Variants in KLF8 observed in about 807,000 individuals in gnomAD.
The protein encoded by KLF8 is KLF transcription factor 8.
Under a neutral mutation model 18.2 loss-of-function variants are expected in KLF8, and 10 were observed. The ratio of observed to expected loss-of-function variants is 0.55; its 90% confidence interval spans 0.34 to 0.93. The LOEUF (loss-of-function observed/expected upper bound fraction) is 0.93, where lower values mean the gene tolerates loss of function less well. Among genes scored for constraint, KLF8 ranks in the 40% least tolerant of loss-of-function variants. The pLI is 0.02. For synonymous variants in KLF8, 109 were observed against 97.3 expected (o/e 1.12, Z -0.71); for missense variants, 264 against 277.9 (o/e 0.95, Z 0.36).
chrX:56,024,399 G>A, the KLF8 span, among the ~76,000 whole-genome samples: 1 of 110,700 alleles, frequency 9.0e-6, no homozygotes, highest in Non-Finnish European at 1.9e-5. Flanking sequence ...GTAGAGACAG[G>A]GTTTTGCCAT....
At chrX:56,131,542 AGCATGAATCTTG>A in the KLF8 span, among the ~76,000 whole-genome samples, 3 of 111,508 alleles carry the variant, frequency 2.7e-5, no homozygotes, top group Non-Finnish European at 5.7e-5. Flanking sequence ...ACCTCTTTAA[AGCATGAATCTTG>A]TAGGACCATA....
the KLF8 span, among the ~76,000 whole-genome samples, chrX:55,909,664 T>C: frequency 8.9e-6 from 1 of 112,651 alleles, no homozygotes; most frequent in Non-Finnish European, 1.9e-5. Flanking sequence ...TTTATTGTCT[T>C]CTGTTCAGTA....
the KLF8 span, among the ~76,000 whole-genome samples, chrX:56,200,896 A>G: frequency 8.9e-6 from 1 of 111,925 alleles, no homozygotes; most frequent in Non-Finnish European, 1.9e-5. Context: ...AGGGAAATGC[A>G]AATCAAAATC....
At chrX:56,093,212 C>G in the KLF8 span, among the ~76,000 whole-genome samples, 2 of 110,998 alleles carry the variant, frequency 1.8e-5, no homozygotes, top group African/African-American at 6.5e-5. Context: ...GAACACCCAG[C>G]AGGATAAATA....
At chrX:56,154,286 C>CA in the KLF8 span, among the ~76,000 whole-genome samples, 2 of 111,321 alleles carry the variant, frequency 1.8e-5, no homozygotes, top group South Asian at 3.8e-4. Context: ...ACAGAGCCCT[C>CA]AAAAATAATA....
At chrX:56,231,644 C>G (rs1220403982), upstream of KLF8, among the ~76,000 whole-genome samples, 1 of 111,474 alleles carries the variant, frequency 9.0e-6, no homozygotes, top group Non-Finnish European at 1.9e-5. Flanking sequence ...TCCTGGCCTC[C>G]CATTAAAATG....
At chrX:55,990,994 G>A in the KLF8 span, among the ~76,000 whole-genome samples, 1 of 112,381 alleles carries the variant, frequency 8.9e-6, no homozygotes, top group Non-Finnish European at 1.9e-5. Context: ...ATCTCCAGCT[G>A]CATGCTGGGA....
At chrX:56,204,290 A>T in the KLF8 span, among the ~76,000 whole-genome samples, 2 of 111,324 alleles carry the variant, frequency 1.8e-5, no homozygotes, top group Non-Finnish European at 3.8e-5. Context: ...AAATTTACTG[A>T]ATTTGTTTGT....
At chrX:56,033,283 A>AT in the KLF8 span, among the ~76,000 whole-genome samples, 2 of 111,423 alleles carry the variant, frequency 1.8e-5, no homozygotes, top group African/African-American at 6.5e-5. Flanking sequence ...ATTTTTCTTT[A>AT]TGTGGCTGGC....
chrX:55,941,177 A>C, the KLF8 span, among the ~76,000 whole-genome samples: 3 of 111,765 alleles, frequency 2.7e-5, no homozygotes, highest in Non-Finnish European at 3.8e-5. Context: ...CAGAGATATA[A>C]ACCAATGTAA....
the KLF8 span, among the ~76,000 whole-genome samples, chrX:56,150,422 T>C: frequency 8.9e-6 from 1 of 112,330 alleles, no homozygotes; most frequent in Non-Finnish European, 1.9e-5. Flanking sequence ...TGCTTTGATG[T>C]CATTTTTATG....
At chrX:56,074,643 C>T in the KLF8 span, 1 of 147,960 alleles carries the variant, frequency 6.8e-6, no homozygotes, top group Non-Finnish European at 1.3e-5. Context: ...ATTCAGTGGT[C>T]TATATATTTA....
At chrX:55,945,906 T>C in the KLF8 span, among the ~76,000 whole-genome samples, 1 of 110,618 alleles carries the variant, frequency 9.0e-6, no homozygotes, top group Non-Finnish European at 1.9e-5. Flanking sequence ...GAGAATAAAA[T>C]ACCTAGGAAT....
intron 1 of KLF8, among the ~76,000 whole-genome samples, chrX:56,246,312 T>C (rs753442932): frequency 4.5e-5 from 5 of 111,736 alleles, no homozygotes; most frequent in African/African-American, 6.5e-5. Context: ...TAGTACATAG[T>C]GTATAGGAGA....
chrX:56,152,498 T>A, the KLF8 span, among the ~76,000 whole-genome samples: 1 of 111,273 alleles, frequency 9.0e-6, no homozygotes, highest in Admixed American at 9.6e-5. Flanking sequence ...AGTTCTTTAC[T>A]GCGCAAAGAC....
the KLF8 span, among the ~76,000 whole-genome samples, chrX:55,964,781 A>G: frequency 4.5e-5 from 5 of 111,959 alleles, no homozygotes; most frequent in Non-Finnish European, 9.4e-5. Flanking sequence ...AAACACTTCT[A>G]TGTACACAAA....
the KLF8 span, among the ~76,000 whole-genome samples, chrX:55,979,871 G>A: frequency 7.1e-5 from 8 of 112,051 alleles, no homozygotes; most frequent in African/African-American, 2.6e-4. Context: ...TTTTGACTAT[G>A]TGTAGGTCTG....
At chrX:56,195,449 A>T in the KLF8 span, among the ~76,000 whole-genome samples, 439 of 112,230 alleles carry the variant, frequency 3.9e-3, 1 homozygote, top group African/African-American at 0.013. Flanking sequence ...ACAAGCTTCA[A>T]TACCCGATTC....
chrX:55,937,587 G>C, the KLF8 span, among the ~76,000 whole-genome samples: 2 of 111,656 alleles, frequency 1.8e-5, no homozygotes, highest in Non-Finnish European at 3.8e-5. Flanking sequence ...AGCTAAAGGA[G>C]GAAGTTCGAA....
Sources: allele counts gnomAD v4.1 joint callset (sites outside exome capture counted in the v4.1 genomes callset), GRCh38; gene constraint gnomAD v4.1.1; transcripts MANE v1.5; gene names NCBI Gene and HGNC (gene_info 2026-07-23, HGNC 2026-07-21).